Variants in TIMM44 observed in about 807,000 individuals in gnomAD.
TIMM44 encodes the protein mitochondrial import inner membrane translocase subunit TIM44.
In TIMM44, 37 loss-of-function variants were observed where a neutral mutation model predicts 63.8. The observed-to-expected ratio is 0.58, with a 90% CI of 0.45 to 0.76. The LOEUF is 0.76. TIMM44 is among the 30% of genes least tolerant of loss of function. The pLI, the probability that TIMM44 is intolerant of heterozygous loss-of-function variation, is 0.00. For synonymous variants in TIMM44, 239 were observed against 245.1 expected (o/e 0.98, Z 0.23); for missense variants, 573 against 603.8 (o/e 0.95, Z 0.54).
intron 3 of TIMM44, chr19:7,935,347 TAG>T (rs1984123415): frequency 1.8e-6 from 1 of 568,634 alleles, no homozygotes; most frequent in Non-Finnish European, 3.1e-6. Context: ...GTATTTTCAG[TAG>T]AGACAGGGTT....
intron 10 of TIMM44, 99 bp from the exon 11 acceptor site, chr19:7,928,265 C>T (rs1019448675): frequency 2.8e-6 from 3 of 1,053,208 alleles, no homozygotes; most frequent in Non-Finnish European, 4.2e-6. Context: ...AGGTGCCCTG[C>T]CGCCAGCCAG....
chr19:7,943,620 C>A lies in TIMM44; in HGVS notation c.32G>T (p.Cys11Phe), dbSNP rs767662474. 71 of 1,558,960 alleles carry A rather than the reference C, an allele frequency of 4.6e-5. No individual in the cohort carries two copies. The highest frequency in any genetic ancestry group is 5.8e-5 in the Non-Finnish European group (67 of 1,159,194). The change falls in exon 1 of 13, where the codon TGC becomes TTC. Residue 11 changes from cysteine to phenylalanine, a missense_variant. Physicochemically the swap from Cys to Phe is radical, Grantham distance 205 (BLOSUM62 -2). Coordinates refer to ENST00000270538, the MANE Select transcript of TIMM44 (RefSeq NM_006351.4). The surrounding 1 kb of genome is among the most constrained non-coding windows in gnomAD (Gnocchi z 4.3). ...ACCGCCGCTCACCCGTGGACAGCGG[C>A]ACCAGCCACTCCGCAGGGCCGCCGC... MAAAALRSGW[C>F]RCPRRCLGSG...
At position 7,933,979 on chromosome 19, in the gene TIMM44, T is replaced by C. The variant is rs1325495176; in HGVS notation, c.568A>G (p.Ile190Val). ...SQGVESVKKE[I>V]DDSVLGQTGP... ...GTCTGTCCCAGGACGCTGTCGTCAA[T>C]TTCCTTCTTCACGGACTCCACCCCC... Residue 190 changes from isoleucine (I) to valine (V), a missense_variant, in exon 6 of 13, where the codon ATT (isoleucine) becomes GTT (valine). Transcript: ENST00000270538. The surrounding 1 kb of genome is among the most constrained non-coding windows in gnomAD (Gnocchi z 4.3). 1.9e-6 allele frequency: 3 copies of C among 1,613,534 alleles called. No individual in the cohort carries two copies. The highest frequency in any genetic ancestry group is 2.5e-6 in the Non-Finnish European group (3 of 1,179,888).
At chr19:7,942,946 G>C (rs1412873060) in intron 1 of TIMM44, among the ~76,000 whole-genome samples, 2 of 148,662 alleles carry the variant, frequency 1.3e-5, no homozygotes, top group Non-Finnish European at 3.0e-5. Context: ...CAGGAGAATC[G>C]CTTGAACCCG....
intron 2 of TIMM44, 45 bp downstream of exon 2, chr19:7,941,057 G>C (rs578076685): frequency 1.6e-4 from 248 of 1,510,462 alleles, no homozygotes; most frequent in Non-Finnish European, 2.2e-4. Flanking sequence ...CTGAATTTTC[G>C]GGCCTCCCCT....
intron 1 of TIMM44, among the ~76,000 whole-genome samples, chr19:7,942,132 C>G (rs1390119120): frequency 6.6e-6 from 1 of 152,044 alleles, no homozygotes; most frequent in Non-Finnish European, 1.5e-5. Context: ...GAGGATCACC[C>G]GGTCAGGAGT....
chr19:7,929,561 G>A (rs188492845), intron 10 of TIMM44, among the ~76,000 whole-genome samples: 14 of 152,278 alleles, frequency 9.2e-5, no homozygotes, highest in African/African-American at 2.9e-4. Context: ...CCTCTGGCCC[G>A]GGGCCAGCAC....
chr19:7,936,084 G>A (rs1193980510), intron 3 of TIMM44, among the ~76,000 whole-genome samples: 1 of 152,186 alleles, frequency 6.6e-6, no homozygotes, highest in African/African-American at 2.4e-5. Context: ...AACATGGGAA[G>A]GTCAAAACTG....
At chr19:7,932,484 G>C in intron 9 of TIMM44, 143 bp downstream of exon 9, 1 of 1,195,738 alleles carries the variant, frequency 8.4e-7, no homozygotes, top group Non-Finnish European at 1.2e-6. Flanking sequence ...CAGCCGGGCA[G>C]GAGCCCGTGT....
chr19:7,932,812 C>T, intron 8 of TIMM44, 28 bp downstream of exon 8: 1 of 1,614,160 alleles, frequency 6.2e-7, no homozygotes, highest in Non-Finnish European at 8.5e-7. Context: ...CACCACCAGC[C>T]TGCGAGGTCC....
rs574782474 is a variant in TIMM44, at chr19:7,938,545, G to C, written c.142-348C>G. ...AAACAGGCTGGGCGCGGTGGTTCAC[G>C]CCTGTAATCCCAGTACTTTGGGAGG... is the stretch of plus-strand genomic sequence containing the variant. On this transcript the variant is annotated intron_variant, in intron 2 of 12. Coordinates refer to ENST00000270538, the MANE Select transcript of TIMM44 (RefSeq NM_006351.4). Among the ~76,000 whole-genome samples, 487 of 152,276 alleles carry C rather than the reference G, an allele frequency of 3.2e-3. 1 individual carries two copies. The highest frequency in any genetic ancestry group is 9.8e-3 in the African/African-American group (406 of 41,554).
At chr19:7,927,866 C>A in intron 11 of TIMM44, 99 bp from the exon 12 acceptor site, 1 of 1,313,378 alleles carries the variant, frequency 7.6e-7, no homozygotes, top group Non-Finnish European at 1.1e-6. Context: ...GGAGAAGGCT[C>A]CAGCACCAGG....
intron 1 of TIMM44, among the ~76,000 whole-genome samples, chr19:7,942,176 G>A (rs974635677): frequency 7.2e-5 from 11 of 152,108 alleles, no homozygotes; most frequent in Admixed American, 6.6e-5. Flanking sequence ...GTGAAATCCC[G>A]TCTCTACCAA....
intron 3 of TIMM44, among the ~76,000 whole-genome samples, chr19:7,935,619 T>C (rs1984131170): frequency 6.6e-6 from 1 of 152,222 alleles, no homozygotes; most frequent in Non-Finnish European, 1.5e-5. Context: ...ATGGCTTGGA[T>C]TGAGGGTCTC....
At chr19:7,928,501 G>A (rs115603149) in intron 10 of TIMM44, 140 of 318,602 alleles carry the variant, frequency 4.4e-4, no homozygotes, top group African/African-American at 2.7e-3. Context: ...TTCCATATTC[G>A]CCGCACTCTG....
chr19:7,935,132 G>A lies in TIMM44; in HGVS notation c.326C>T (p.Ser109Leu). The A allele has an allele frequency of 6.2e-7, 1 of 1,608,864 alleles. No individual in the cohort carries two copies. The highest frequency in any genetic ancestry group is 1.7e-5 in the Admixed American group (1 of 59,822). ...EARRKYKTIE[S>L]ETVRTSEVLR... is the part of the protein sequence containing the mutation. ...CACCTCGCTCGTCCGCACGGTTTCT[G>A]ACTCGATGGTTTTCTAGGTAAAGAG... is the stretch of plus-strand genomic sequence containing the variant. Residue 109 changes from serine to leucine, a missense_variant, in exon 4 of 13, where the codon TCA becomes TTA. Coordinates refer to ENST00000270538, the MANE Select transcript of TIMM44 (RefSeq NM_006351.4).
In TIMM44 at chr19:7,932,777, G is replaced by T. The variant is rs373498872; in HGVS notation, c.863-26C>A. ...CTGCAGGGAGCAGAGCCGGGAGTTCGGGGGGAAGGCCGGGGACCCCGCCCC... is the reference window on the plus strand; with the variant it reads ...CTGCAGGGAGCAGAGCCGGGAGTTCTGGGGGAAGGCCGGGGACCCCGCCCC... On this transcript the variant is annotated intron_variant, in intron 8 of 12. Transcript: ENST00000270538. The T allele has an allele frequency of 2.4e-5, 38 of 1,613,570 alleles. No individual in the cohort carries two copies. In the South Asian group the frequency reaches 4.1e-4, roughly 17 times the overall value.
At chr19:7,929,747 A>C (rs1599646393) in intron 10 of TIMM44, among the ~76,000 whole-genome samples, 1 of 137,520 alleles carries the variant, frequency 7.3e-6, no homozygotes, top group Admixed American at 7.4e-5. Context: ...CCCAGCCTGC[A>C]CCCCAGGCCA....
chr19:7,937,873 C>G (rs1984198402), intron 3 of TIMM44, 154 bp downstream of exon 3: 1 of 864,634 alleles, frequency 1.2e-6, no homozygotes, highest in Non-Finnish European at 1.9e-6. Flanking sequence ...CAAAAATTAG[C>G]TGGGCGTGGT....
Sources: gnomAD v4.1 joint callset for allele counts (sites outside exome capture counted in the v4.1 genomes callset) on GRCh38, gnomAD v4.1.1 for gene constraint, Gnocchi (gnomAD v3.1) non-coding constraint, MANE v1.5 for transcripts, NCBI Gene and HGNC (gene_info 2026-07-23, HGNC 2026-07-21) for gene names.